Variants in CSRNP3 observed in about 807,000 individuals in gnomAD.
CSRNP3 encodes cysteine and serine rich nuclear protein 3.
A neutral mutation model predicts 48.0 loss-of-function variants in CSRNP3; 12 were observed. The ratio of observed to expected loss-of-function variants is 0.25; its 90% CI spans 0.16 to 0.41. CSRNP3 has a LOEUF of 0.41. CSRNP3 is among the 10% of genes least tolerant of loss of function. CSRNP3 has a pLI of 1.00. For synonymous variants in CSRNP3, 263 were observed against 269.7 expected, an observed-to-expected ratio of 0.98 and a Z score of 0.24; for missense variants, 580 against 724.4, an observed-to-expected ratio of 0.80 and a Z score of 2.29.
At chr2:165,579,014 T>C (rs2105280905) in intron 3 of CSRNP3, among the ~76,000 whole-genome samples, 1 of 152,284 alleles carries the variant, frequency 6.6e-6, no homozygotes, top group Admixed American at 6.5e-5. Flanking sequence ...ACATGATACA[T>C]ACCTGGCACA....
chr2:165,574,302 C>A, intron 3 of CSRNP3: 1 of 1,352,340 alleles, frequency 7.4e-7, no homozygotes, highest in Non-Finnish European at 1.0e-6. Flanking sequence ...AAAGCTGGAT[C>A]AGTTGCCTGA....
At chr2:165,509,199 G>A (rs778424671) in intron 2 of CSRNP3, among the ~76,000 whole-genome samples, 6 of 152,060 alleles carry the variant, frequency 3.9e-5, no homozygotes, top group South Asian at 2.1e-4. Context: ...GTGCTGTGAG[G>A]AAAAATAAAA....
chr2:165,671,018 T>C (rs114126545), intron 5 of CSRNP3, among the ~76,000 whole-genome samples: 9 of 152,328 alleles, frequency 5.9e-5, no homozygotes, highest in African/African-American at 2.2e-4. Flanking sequence ...CAGACTAGCT[T>C]TTAGACACAT....
chr2:165,473,722 A>G (rs1205099016), intron 1 of CSRNP3, among the ~76,000 whole-genome samples: 1 of 152,156 alleles, frequency 6.6e-6, no homozygotes, highest in Non-Finnish European at 1.5e-5. Context: ...TGGATATTTC[A>G]CATATCTCAA....
chr2:165,674,669 T>A (rs1687389528), intron 5 of CSRNP3, among the ~76,000 whole-genome samples: 1 of 130,878 alleles, frequency 7.6e-6, no homozygotes, highest in Non-Finnish European at 1.6e-5. Context: ...CATATATATA[T>A]AAATACTTCT....
rs1413730549 is a variant in CSRNP3 at position 165,487,930 on chromosome 2, A to C, written c.-282-6829A>C. Among the ~76,000 whole-genome samples the C allele has an allele frequency of 4.3e-5, 6 of 139,256 alleles. No individual in the cohort carries two copies. In the East Asian group the frequency reaches 8.9e-4, roughly 21 times the overall value. 91.4% of individuals were successfully genotyped at this position (139,256 alleles called of 152,430 possible). Reference sequence around the variant, plus strand: ...AGCTAACATCATAATGACAGGATCAAATTCACACATAACAATATTAACTTT... The same window carrying C: ...AGCTAACATCATAATGACAGGATCACATTCACACATAACAATATTAACTTT... On this transcript the variant is annotated intron_variant, in intron 1 of 6. Transcript: ENST00000651982.
intron 4 of CSRNP3, among the ~76,000 whole-genome samples, chr2:165,653,838 G>A (rs985360346): frequency 4.0e-5 from 6 of 151,742 alleles, no homozygotes; most frequent in Non-Finnish European, 7.4e-5. Context: ...TGGGCGTGGT[G>A]GCAGATACCT....
intron 4 of CSRNP3, among the ~76,000 whole-genome samples, chr2:165,625,200 T>C (rs990958044): frequency 6.6e-6 from 1 of 152,144 alleles, no homozygotes; most frequent in Non-Finnish European, 1.5e-5. Context: ...GAGCACTTCC[T>C]ATGTGCCTGG....
At chr2:165,502,735 G>T (rs370409620) in intron 2 of CSRNP3, among the ~76,000 whole-genome samples, 1 of 151,080 alleles carries the variant, frequency 6.6e-6, no homozygotes, top group Non-Finnish European at 1.5e-5. Context: ...ACCTGCCACC[G>T]GCTCCCTCTC....
chr2:165,593,494 T>C (rs1685757381), intron 3 of CSRNP3, among the ~76,000 whole-genome samples: 1 of 152,226 alleles, frequency 6.6e-6, no homozygotes, highest in South Asian at 2.1e-4. Context: ...CAGGTAATGC[T>C]ACTGCTGCTC....
chr2:165,561,682 C>G (rs569918847), intron 3 of CSRNP3, among the ~76,000 whole-genome samples: 18 of 152,172 alleles, frequency 1.2e-4, no homozygotes, highest in African/African-American at 4.3e-4. Context: ...TTAGGAAATT[C>G]TCCACAACAA....
chr2:165,645,570 A>T (rs911973467), intron 4 of CSRNP3, among the ~76,000 whole-genome samples: 1 of 152,188 alleles, frequency 6.6e-6, no homozygotes, highest in South Asian at 2.1e-4. Flanking sequence ...CTATCTATAG[A>T]AAAATCACAG....
chr2:165,664,926 A>T (rs1687154624), intron 5 of CSRNP3, among the ~76,000 whole-genome samples: 1 of 152,212 alleles, frequency 6.6e-6, no homozygotes, highest in African/African-American at 2.4e-5. Flanking sequence ...CTGCATTATG[A>T]TATAAACCAA....
At chr2:165,594,857 A>G (rs1056825661) in intron 3 of CSRNP3, among the ~76,000 whole-genome samples, 186 bp from the exon 4 acceptor site, 27 of 152,178 alleles carry the variant, frequency 1.8e-4, no homozygotes, top group African/African-American at 6.3e-4. Flanking sequence ...TTAAATACTC[A>G]TATTTAATTT....
Position 165,580,712 on chromosome 2 carries a change from G to A in CSRNP3, c.-23-14331G>A, listed in dbSNP as rs549818729. Among the ~76,000 whole-genome samples the A allele has an allele frequency of 3.7e-4, 56 of 152,166 alleles. 2 individuals are homozygous for A. In the South Asian group the frequency reaches 0.012, roughly 32 times the overall value. ...GATATCATTATCTTAAATAGCCTTTGATTTACATTGCCTCATCTGTTTTGT... is the reference window on the plus strand; with the variant it reads ...GATATCATTATCTTAAATAGCCTTTAATTTACATTGCCTCATCTGTTTTGT... On this transcript the variant is annotated intron_variant, in intron 3 of 6. Coordinates refer to ENST00000651982, the MANE Select transcript of CSRNP3 (RefSeq NM_001172173.2).
chr2:165,596,387 T>G (rs916144388), intron 4 of CSRNP3, among the ~76,000 whole-genome samples: 3 of 152,146 alleles, frequency 2.0e-5, no homozygotes, highest in African/African-American at 7.2e-5. Context: ...ATGTTATTAA[T>G]ATATGATTCT....
At chr2:165,593,038 T>A (rs1226571197) in intron 3 of CSRNP3, among the ~76,000 whole-genome samples, 4 of 151,918 alleles carry the variant, frequency 2.6e-5, no homozygotes, top group African/African-American at 9.7e-5. Context: ...CCTGACCTCG[T>A]GATCCGCCCG....
intron 4 of CSRNP3, among the ~76,000 whole-genome samples, chr2:165,623,978 C>T (rs932583571): frequency 9.9e-5 from 15 of 152,102 alleles, no homozygotes; most frequent in Admixed American, 9.2e-4. Flanking sequence ...GTCTATTAGC[C>T]TCATTTTTCC....
intron 3 of CSRNP3, among the ~76,000 whole-genome samples, chr2:165,561,432 T>C (rs1242878564): frequency 6.6e-6 from 1 of 152,202 alleles, no homozygotes; most frequent in Non-Finnish European, 1.5e-5. Context: ...TTTTTTTCTC[T>C]TCTTCAAGAG....
Sources: allele counts gnomAD v4.1 joint callset (sites outside exome capture counted in the v4.1 genomes callset), GRCh38; gene constraint gnomAD v4.1.1; transcripts MANE v1.5; gene names NCBI Gene and HGNC (gene_info 2026-07-23, HGNC 2026-07-21).